The following RORA variants were observed in gnomAD, a reference collection of about 807,000 sequenced individuals.
RORA encodes RAR related orphan receptor A.
RORA carries 7 observed loss-of-function variants against 69.5 expected under a neutral mutation model. That is an observed-to-expected ratio of 0.10 (90% CI 0.06 to 0.19). RORA has a LOEUF of 0.19. Ranked by LOEUF, RORA falls within the 10% of genes least tolerant of loss-of-function variation. The pLI, the probability that RORA is intolerant of heterozygous loss-of-function variation, is 1.00. For missense variants in RORA, 457 were observed against 663.0 expected (o/e 0.69, Z 3.41); for synonymous variants, 261 against 240.8 (o/e 1.08, Z -0.78).
chr15:60,615,069 C>A, intron 2 of RORA: 7 of 1,589,520 alleles, frequency 4.4e-6, no homozygotes, highest in Middle Eastern at 1.9e-4. Context: ...CACACAGCCC[C>A]CTTTCTGCTT....
chr15:60,654,206 C>T (rs1207842665), intron 2 of RORA, among the ~76,000 whole-genome samples: 2 of 152,192 alleles, frequency 1.3e-5, no homozygotes, highest in African/African-American at 2.4e-5. Context: ...CATCCTGAGA[C>T]AGGGGTAATG....
chr15:61,124,992 C>G (rs1596009700), intron 1 of RORA, among the ~76,000 whole-genome samples: 1 of 152,106 alleles, frequency 6.6e-6, no homozygotes, highest in African/African-American at 2.4e-5. Context: ...TGCAAAAACG[C>G]AAAAGAAAAA....
intron 1 of RORA, among the ~76,000 whole-genome samples, chr15:60,917,959 C>A (rs1486584741): frequency 1.3e-5 from 2 of 152,238 alleles, no homozygotes; most frequent in African/African-American, 4.8e-5. Flanking sequence ...AGTGGGATGG[C>A]CTGTGAAGCT....
rs531575293 is a variant in RORA at position 60,505,951 on chromosome 15, G to A, written c.821-322C>T. ...TAGATAGACATAGGAAATGATTGAC[G>A]TGGTGCTTCTTCTTGGCATTTTTAT... On this transcript the variant is annotated intron_variant, in intron 5 of 10. Transcript: ENST00000335670. Among the ~76,000 whole-genome samples, 3 of 152,290 alleles carry A rather than the reference G, an allele frequency of 2.0e-5. No individual in the cohort carries two copies. In the South Asian group the frequency reaches 6.2e-4, roughly 32 times the overall value.
intron 1 of RORA, among the ~76,000 whole-genome samples, chr15:60,977,999 T>C (rs1916646): frequency 0.75 from 114,475 of 152,140 alleles, 43,415 homozygotes; most frequent in Admixed American, 0.83. Context: ...CTGGGTCAAA[T>C]GGTAACTCTA....
chr15:60,812,171 G>A (rs1228878719), intron 1 of RORA, among the ~76,000 whole-genome samples: 2 of 152,048 alleles, frequency 1.3e-5, no homozygotes, highest in African/African-American at 4.8e-5. Flanking sequence ...TCTATAAAAT[G>A]GAAACAACAA....
At chr15:60,916,715 A>AT (rs924921082) in intron 1 of RORA, among the ~76,000 whole-genome samples, 1 of 152,222 alleles carries the variant, frequency 6.6e-6, no homozygotes, top group African/African-American at 2.4e-5. Context: ...AGGCATCAGT[A>AT]TTTTTTAAAG....
At chr15:60,743,016 A>ATTTTTTTTTTTTTTT (rs33922947) in intron 1 of RORA, among the ~76,000 whole-genome samples, 4 of 105,172 alleles carry the variant, frequency 3.8e-5, no homozygotes, top group Non-Finnish European at 5.6e-5. Flanking sequence ...CATTCATTCT[A>ATTTTTTTTTTTTTTT]TTTTTTTTTT....
At chr15:60,902,894 A>G (rs1007467485) in intron 1 of RORA, among the ~76,000 whole-genome samples, 7 of 152,162 alleles carry the variant, frequency 4.6e-5, no homozygotes, top group Admixed American at 2.0e-4. Context: ...CTAGGGGCGT[A>G]CTCCGCTGAA....
chr15:60,762,621 T>G (rs966192632), intron 1 of RORA, among the ~76,000 whole-genome samples: 8 of 152,124 alleles, frequency 5.3e-5, no homozygotes, highest in African/African-American at 1.7e-4. Flanking sequence ...TATACACATA[T>G]TTACTCCTAC....
At position 61,061,090 on chromosome 15, in the gene RORA, G is replaced by A. The variant is rs1335815085; in HGVS notation, c.166+167963C>T. ...TTGCAAGGGCTGGGCGCGGTGGCTC[G>A]TGCCTGTAATCCCAGCACTTTGGGA... On this transcript the variant is annotated intron_variant, in intron 1 of 10. Coordinates refer to ENST00000335670, the MANE Select transcript of RORA (RefSeq NM_134261.3). The surrounding 1 kb of genome is among the most constrained non-coding windows in gnomAD (Gnocchi z 4.4). Among the ~76,000 whole-genome samples, 3 of 152,018 alleles carry A rather than the reference G, an allele frequency of 2.0e-5. No homozygotes were observed. The highest frequency in any genetic ancestry group is 7.3e-5 in the African/African-American group (3 of 41,376).
At chr15:60,876,272 GC>G (rs201920516) in intron 1 of RORA, among the ~76,000 whole-genome samples, 3,441 of 147,436 alleles carry the variant, frequency 0.023, 55 homozygotes, top group Middle Eastern at 0.069. Flanking sequence ...TCTGAAGTTG[GC>G]TTTCTGGGAT....
At chr15:60,697,758 A>T (rs548340140) in intron 1 of RORA, among the ~76,000 whole-genome samples, 2 of 152,148 alleles carry the variant, frequency 1.3e-5, no homozygotes, top group Admixed American at 6.5e-5. Flanking sequence ...CTCAAATTTC[A>T]TATGTTATTT....
chr15:60,689,298 G>A (rs2140770606), intron 1 of RORA, among the ~76,000 whole-genome samples: 1 of 152,292 alleles, frequency 6.6e-6, no homozygotes, highest in Non-Finnish European at 1.5e-5. Flanking sequence ...GAATGCATTG[G>A]AATGTTCCAT....
chr15:60,553,107 C>T (rs1348537602), intron 2 of RORA, among the ~76,000 whole-genome samples: 1 of 152,110 alleles, frequency 6.6e-6, no homozygotes, highest in Non-Finnish European at 1.5e-5. Context: ...TAGCTCAATG[C>T]CTGGCATACA....
At chr15:60,859,394 C>CCTTGGGAA (rs2073413623) in intron 1 of RORA, among the ~76,000 whole-genome samples, 2 of 77,584 alleles carry the variant, frequency 2.6e-5, no homozygotes, top group Admixed American at 2.1e-4. Flanking sequence ...GACCTTGGGA[C>CCTTGGGAA]CTTGGGACCT....
intron 1 of RORA, among the ~76,000 whole-genome samples, chr15:61,018,885 A>G (rs946825405): frequency 1.3e-5 from 2 of 152,198 alleles, no homozygotes; most frequent in African/African-American, 4.8e-5. Context: ...ATCTGAGCTA[A>G]TTAACCTGTG....
chr15:60,735,620 A>T (rs1186567655), intron 1 of RORA, among the ~76,000 whole-genome samples: 3 of 152,210 alleles, frequency 2.0e-5, no homozygotes, highest in Non-Finnish European at 2.9e-5. Context: ...AGAAGAGACA[A>T]GGTAAACAGA....
chr15:61,088,477 T>C (rs1469864723), intron 1 of RORA, among the ~76,000 whole-genome samples: 4 of 152,078 alleles, frequency 2.6e-5, no homozygotes, highest in Admixed American at 6.5e-5. Context: ...CGGTGGGGGA[T>C]GGGGCGACAG....
Sources: allele counts gnomAD v4.1 joint callset (sites outside exome capture counted in the v4.1 genomes callset), GRCh38; gene constraint gnomAD v4.1.1; non-coding constraint Gnocchi (gnomAD v3.1); transcripts MANE v1.5; gene names NCBI Gene and HGNC (gene_info 2026-07-23, HGNC 2026-07-21).